GNPTAB: variants seen among roughly 807,000 people sequenced by gnomAD.
GNPTAB encodes N-acetylglucosamine-1-phosphate transferase subunits alpha and beta.
Under a neutral mutation model 136.6 loss-of-function variants are expected in GNPTAB, and 92 were observed. The observed-to-expected ratio is 0.67, with a 90% CI of 0.57 to 0.80. The LOEUF is 0.80. Ranked by LOEUF, GNPTAB falls within the 30% of genes least tolerant of loss-of-function variation. The pLI, the probability that GNPTAB is intolerant of heterozygous loss-of-function variation, is 0.00. For synonymous variants in GNPTAB, 512 were observed against 535.1 expected (o/e 0.96, Z 0.60); for missense variants, 1,343 against 1,501.8 (o/e 0.89, Z 1.75).
chr12:101,802,505 A>G (rs1424549492), intron 1 of GNPTAB, among the ~76,000 whole-genome samples: 1 of 152,136 alleles, frequency 6.6e-6, no homozygotes, highest in African/African-American at 2.4e-5. Flanking sequence ...GCTCACTGCC[A>G]TGATCCTGAG....
rs974693996 is a variant in GNPTAB at position 101,822,299 on chromosome 12, G to A, written c.117+8260C>T. Among the ~76,000 whole-genome samples, 4 of 152,188 alleles carry A rather than the reference G, an allele frequency of 2.6e-5. No individual in the cohort carries two copies. The East Asian group carries it at 7.7e-4, about 29-fold the overall frequency. On this transcript the variant is annotated intron_variant, in intron 1 of 20. Transcript: ENST00000299314. ...GAGGTGGCGGGAGCCTGTAGTCCCA[G>A]CTACTCGGGAGGCTGAGGCAGGAGA...
chr12:101,780,328 A>C, intron 6 of GNPTAB, 42 bp from the exon 7 acceptor site: 3 of 1,608,004 alleles, frequency 1.9e-6, no homozygotes, highest in Non-Finnish European at 2.6e-6. Context: ...CCACATCATG[A>C]GGCTGGTGAA....
chr12:101,829,061 C>T (rs1424691746), intron 1 of GNPTAB, among the ~76,000 whole-genome samples: 1 of 152,244 alleles, frequency 6.6e-6, no homozygotes, highest in Non-Finnish European at 1.5e-5. Context: ...CCTGTTGGCA[C>T]TGTCTGCCTC....
chr12:101,753,529 A>T lies in GNPTAB; in HGVS notation c.3445T>A (p.Cys1149Ser). ...DIRKNPRKFV[C>S]LNDNIDHNHK... ...TTGTGGTCAATGTTGTCATTCAGGC[A>T]AACAAACTTCCTGAAATAACAGAGA... is the stretch of plus-strand genomic sequence containing the variant. The change falls in exon 19 of 21, where the codon TGC (cysteine) becomes AGC (serine). Residue 1149 changes from cysteine to serine, a missense_variant. By Grantham distance (112) the Cys-to-Ser change is moderately radical (BLOSUM62 -1). Coordinates refer to ENST00000299314, the MANE Select transcript of GNPTAB (RefSeq NM_024312.5). The T allele has an allele frequency of 6.2e-7, 1 of 1,613,792 alleles. No homozygotes were observed. The highest frequency in any genetic ancestry group is 8.5e-7 in the Non-Finnish European group (1 of 1,179,700).
chr12:101,795,715 T>G (rs1411346180), intron 2 of GNPTAB, among the ~76,000 whole-genome samples: 1 of 151,816 alleles, frequency 6.6e-6, no homozygotes, highest in African/African-American at 2.4e-5. Flanking sequence ...ATCGTGCCAC[T>G]GCGCTCCAGC....
chr12:101,782,719 T>C (rs1868408179), intron 5 of GNPTAB, among the ~76,000 whole-genome samples: 1 of 152,240 alleles, frequency 6.6e-6, no homozygotes, highest in Non-Finnish European at 1.5e-5. Context: ...TTATGGTTAC[T>C]AGGGCCTACA....
Position 101,790,076 on chromosome 12 carries a change from T to C in GNPTAB, c.204-19A>G, listed in dbSNP as rs771411004. The C allele has an allele frequency of 1.9e-6, 3 of 1,613,818 alleles. No homozygotes were observed. The highest frequency in any genetic ancestry group is 1.3e-5 in the African/African-American group (1 of 74,858). On this transcript the variant is annotated intron_variant, in intron 2 of 20. Transcript: ENST00000299314. Reference sequence around the variant, plus strand: ...ACAAAGCCTAGGGCAAACCAACAAATCCTCCAGCTTAAATGCATTTTTCCA... The same window carrying C: ...ACAAAGCCTAGGGCAAACCAACAAACCCTCCAGCTTAAATGCATTTTTCCA...
chr12:101,806,771 T>G (rs1869955450), intron 1 of GNPTAB, among the ~76,000 whole-genome samples: 1 of 152,108 alleles, frequency 6.6e-6, no homozygotes, highest in African/African-American at 2.4e-5. Flanking sequence ...TAAAAAAATT[T>G]GAATCAATAA....
At chr12:101,809,292 C>A (rs957103384) in intron 1 of GNPTAB, among the ~76,000 whole-genome samples, 2 of 152,116 alleles carry the variant, frequency 1.3e-5, no homozygotes, top group African/African-American at 2.4e-5. Context: ...AACACCAAGC[C>A]GGGAAAGATG....
Position 101,793,209 on chromosome 12 carries a change from T to TA in GNPTAB, c.204-3153dup, listed in dbSNP as rs1171817104. Reference sequence around the variant, plus strand: ...ATCATATATATCAGTCTTTCTCATTTAAAAAAAAATCCATCTGCCTCACAC... The same window carrying TA: ...ATCATATATATCAGTCTTTCTCATTTAAAAAAAAAATCCATCTGCCTCACAC... On this transcript the variant is annotated intron_variant, in intron 2 of 20. Transcript: ENST00000299314. Among the ~76,000 whole-genome samples the TA allele has an allele frequency of 6.6e-4, 100 of 151,690 alleles. 2 individuals are homozygous for TA. The highest frequency in any genetic ancestry group is 1.5e-3 in the South Asian group (7 of 4,802).
At chr12:101,795,581 C>T (rs767015840) in intron 2 of GNPTAB, among the ~76,000 whole-genome samples, 62 of 151,888 alleles carry the variant, frequency 4.1e-4, no homozygotes, top group Non-Finnish European at 7.7e-4. Flanking sequence ...GACGAAATTC[C>T]GTCTCTACTA....
chr12:101,791,460 C>CA (rs548798010), intron 2 of GNPTAB, among the ~76,000 whole-genome samples: 2,812 of 85,194 alleles, frequency 0.033, 33 homozygotes, highest in African/African-American at 0.054. Context: ...GTTGATGAGC[C>CA]AAAAAAAAAA....
chr12:101,758,888 A>G (rs1440715958), intron 16 of GNPTAB, among the ~76,000 whole-genome samples: 1 of 152,250 alleles, frequency 6.6e-6, no homozygotes, highest in East Asian at 1.9e-4. Context: ...TACTCATTGT[A>G]GAAAATATGA....
chr12:101,816,682 T>A (rs1355031994), intron 1 of GNPTAB, among the ~76,000 whole-genome samples: 1 of 152,154 alleles, frequency 6.6e-6, no homozygotes, highest in South Asian at 2.1e-4. Flanking sequence ...GATCTAGCAA[T>A]CCCACTACTG....
At chr12:101,771,549 T>C (rs1385635678) in intron 7 of GNPTAB, among the ~76,000 whole-genome samples, 1 of 152,210 alleles carries the variant, frequency 6.6e-6, no homozygotes, top group Non-Finnish European at 1.5e-5. Context: ...TGGCCTGATC[T>C]TTAATCTTGA....
At chr12:101,785,689 G>A (rs1053394586) in intron 5 of GNPTAB, 8 of 268,980 alleles carry the variant, frequency 3.0e-5, no homozygotes, top group Middle Eastern at 1.2e-3. Flanking sequence ...ACTGCAGAAC[G>A]CTACCTAGTA....
chr12:101,785,175 T>C (rs953845482), intron 5 of GNPTAB, among the ~76,000 whole-genome samples: 1 of 152,218 alleles, frequency 6.6e-6, no homozygotes, highest in African/African-American at 2.4e-5. Flanking sequence ...CATCTTCTCA[T>C]AACGTCACAT....
At chr12:101,815,528 C>T (rs1870471443) in intron 1 of GNPTAB, among the ~76,000 whole-genome samples, 1 of 151,570 alleles carries the variant, frequency 6.6e-6, no homozygotes, top group Admixed American at 6.6e-5. Flanking sequence ...CAGAGCATTG[C>T]TTATGCCCAG....
In GNPTAB at chr12:101,796,231, C is replaced by T. The variant is rs996113171; in HGVS notation, c.203+446G>A. Reference sequence around the variant, plus strand: ...GTAGCCACCTGGTTTCCTCATCCTACAGGGGGATGAAATTCCCTTTACCTC... The same window carrying T: ...GTAGCCACCTGGTTTCCTCATCCTATAGGGGGATGAAATTCCCTTTACCTC... On this transcript the variant is annotated intron_variant, in intron 2 of 20. Transcript: ENST00000299314. The T allele has an allele frequency of 7.1e-6, 5 of 702,326 alleles. No individual in the cohort carries two copies. In the Admixed American group the frequency reaches 8.0e-5, roughly 11 times the overall value. The allele number at this position is 702,326 out of a possible 1,614,324, so 43.5% of individuals were successfully genotyped here.
Sources: allele counts gnomAD v4.1 joint callset (sites outside exome capture counted in the v4.1 genomes callset), GRCh38; gene constraint gnomAD v4.1.1; transcripts MANE v1.5; gene names NCBI Gene and HGNC (gene_info 2026-07-23, HGNC 2026-07-21).